The following UNC13C variants were observed in gnomAD, a reference collection of about 807,000 sequenced individuals.
UNC13C encodes unc-13 homolog C.
UNC13C carries 174 observed loss-of-function variants against 245.4 expected under a neutral mutation model. The ratio of observed to expected loss-of-function variants is 0.71; its 90% CI spans 0.63 to 0.80. The LOEUF (loss-of-function observed/expected upper bound fraction) is 0.80, where lower values mean the gene tolerates loss of function less well. UNC13C is among the 30% of genes least tolerant of loss of function. The pLI is 0.00. For synonymous variants in UNC13C, 992 were observed against 895.1 expected, an observed-to-expected ratio of 1.11 and a Z score of -1.93; for missense variants, 2,829 against 2,602.9, an observed-to-expected ratio of 1.09 and a Z score of -1.89.
At chr15:53,937,530 A>T in the UNC13C span, among the ~76,000 whole-genome samples, 1 of 152,322 alleles carries the variant, frequency 6.6e-6, no homozygotes, top group East Asian at 1.9e-4. Flanking sequence ...GGAAATGCAG[A>T]GAACCCCAGT....
chr15:54,297,871 T>A lies in UNC13C; in HGVS notation c.4049T>A (p.Ile1350Lys), dbSNP rs1284549050. The change falls in exon 12 of 33, where the codon ATA becomes AAA. Residue 1350 changes from isoleucine to lysine, a missense_variant. By Grantham distance (102) the Ile-to-Lys change is moderately radical. Coordinates refer to ENST00000260323, the MANE Select transcript of UNC13C (RefSeq NM_001080534.3). ...ATACGATTGAAAATCAATGTGGAGA[T>A]AAAAGGAGAAGAGAAGGTTGCTCCA... ...GAIRLKINVE[I>K]KGEEKVAPYH... is the part of the protein sequence containing the mutation. 1 of 1,611,166 alleles carries A rather than the reference T, an allele frequency of 6.2e-7. No individual in the cohort carries two copies. Among genetic ancestry groups the A allele is most frequent in the East Asian group, 2.2e-5 (1 of 44,828 alleles).
At chr15:54,255,893 G>T (rs530284511) in intron 8 of UNC13C, among the ~76,000 whole-genome samples, 1 of 152,200 alleles carries the variant, frequency 6.6e-6, no homozygotes, top group Non-Finnish European at 1.5e-5. Context: ...GCAATGGTCA[G>T]TTCCTTAACC....
At chr15:54,446,545 T>A (rs1157652355) in intron 19 of UNC13C, among the ~76,000 whole-genome samples, 2 of 152,198 alleles carry the variant, frequency 1.3e-5, no homozygotes, top group African/African-American at 4.8e-5. Context: ...TATTTTATTC[T>A]CTTTGAAGCA....
intron 2 of UNC13C, among the ~76,000 whole-genome samples, chr15:54,027,565 T>C (rs1444366995): frequency 2.6e-5 from 4 of 152,022 alleles, no homozygotes; most frequent in African/African-American, 9.7e-5. Context: ...CAGATGGGGT[T>C]TTATCATGTT....
At chr15:54,147,136 C>A (rs2032295753) in intron 4 of UNC13C, among the ~76,000 whole-genome samples, 1 of 152,058 alleles carries the variant, frequency 6.6e-6, no homozygotes, top group African/African-American at 2.4e-5. Context: ...TTTTACCCAA[C>A]TATCCTGCAG....
At chr15:53,838,717 T>C in the UNC13C span, among the ~76,000 whole-genome samples, 1 of 152,044 alleles carries the variant, frequency 6.6e-6, no homozygotes, top group East Asian at 1.9e-4. Context: ...AATTTTTTGT[T>C]CTCTAATTTT....
intron 20 of UNC13C, among the ~76,000 whole-genome samples, chr15:54,494,999 T>C (rs1460137473): frequency 6.6e-6 from 1 of 152,038 alleles, no homozygotes; most frequent in Non-Finnish European, 1.5e-5. Flanking sequence ...TGTGATAACA[T>C]GAATGATTTT....
chr15:54,324,921 A>G (rs921725408), intron 14 of UNC13C, among the ~76,000 whole-genome samples: 1 of 152,048 alleles, frequency 6.6e-6, no homozygotes, highest in Non-Finnish European at 1.5e-5. Flanking sequence ...ATATAGCCCA[A>G]TACAAATTCG....
chr15:54,086,480 A>G (rs1261310470), intron 2 of UNC13C, among the ~76,000 whole-genome samples: 1 of 152,174 alleles, frequency 6.6e-6, no homozygotes, highest in East Asian at 1.9e-4. Context: ...TCAGTCTCTC[A>G]AAATAAAATG....
intron 14 of UNC13C, among the ~76,000 whole-genome samples, chr15:54,331,396 G>A (rs1448851315): frequency 1.3e-5 from 2 of 151,966 alleles, no homozygotes; most frequent in Admixed American, 1.3e-4. Context: ...TCTGTTAAGA[G>A]GACAGTTCAA....
intron 7 of UNC13C, among the ~76,000 whole-genome samples, chr15:54,242,256 T>C (rs1412466589): frequency 6.6e-6 from 1 of 152,192 alleles, no homozygotes; most frequent in African/African-American, 2.4e-5. Context: ...AAACTTGTCC[T>C]CCAAAACCAC....
At chr15:54,429,151 G>A (rs76458557) in intron 19 of UNC13C, among the ~76,000 whole-genome samples, 4 of 151,648 alleles carry the variant, frequency 2.6e-5, no homozygotes, top group African/African-American at 9.7e-5. Context: ...ATTGCAAAAA[G>A]AATCTTTGTA....
intron 7 of UNC13C, among the ~76,000 whole-genome samples, chr15:54,240,116 A>T (rs1303065404): frequency 6.6e-6 from 1 of 152,048 alleles, no homozygotes; most frequent in Non-Finnish European, 1.5e-5. Context: ...CTTTTCAACA[A>T]CTTAAAAATA....
At chr15:54,487,902 T>G (rs1893504850) in intron 19 of UNC13C, among the ~76,000 whole-genome samples, 1 of 152,176 alleles carries the variant, frequency 6.6e-6, no homozygotes, top group African/African-American at 2.4e-5. Context: ...TGATTTTTCC[T>G]GACATATTAC....
At chr15:54,279,812 A>G (rs188686031) in intron 10 of UNC13C, among the ~76,000 whole-genome samples, 346 of 152,312 alleles carry the variant, frequency 2.3e-3, no homozygotes, top group Non-Finnish European at 3.5e-3. Flanking sequence ...TTCTGTTCAG[A>G]TAGGCTGGTA....
At chr15:53,859,210 G>A in the UNC13C span, among the ~76,000 whole-genome samples, 1 of 152,074 alleles carries the variant, frequency 6.6e-6, no homozygotes, top group Non-Finnish European at 1.5e-5. Context: ...AATTTTTAAT[G>A]TCTCATCGTT....
At chr15:53,905,234 C>T in the UNC13C span, among the ~76,000 whole-genome samples, 1 of 152,076 alleles carries the variant, frequency 6.6e-6, no homozygotes, top group African/African-American at 2.4e-5. Context: ...AACAGTATCT[C>T]ACAGAGCTAT....
intron 17 of UNC13C, among the ~76,000 whole-genome samples, chr15:54,348,577 TGA>T (rs2038912807): frequency 6.6e-6 from 1 of 152,166 alleles, no homozygotes; most frequent in Non-Finnish European, 1.5e-5. Context: ...GAAAATTCTT[TGA>T]GAGAGAAAAT....
chr15:54,143,091 ATGTT>A (rs1359708726), intron 3 of UNC13C, 51 bp downstream of exon 3: 4 of 1,546,666 alleles, frequency 2.6e-6, no homozygotes, highest in Admixed American at 3.4e-5. Context: ...TCTTTTGTAC[ATGTT>A]TGTTTGTGAC....
Sources: allele counts gnomAD v4.1 joint callset (sites outside exome capture counted in the v4.1 genomes callset), GRCh38; gene constraint gnomAD v4.1.1; transcripts MANE v1.5; gene names NCBI Gene and HGNC (gene_info 2026-07-23, HGNC 2026-07-21).